Variants in CPNE4 observed in about 807,000 individuals in gnomAD.
The protein encoded by CPNE4 is copine-4.
A neutral mutation model predicts 67.9 loss-of-function variants in CPNE4; 25 were observed. The ratio of observed to expected loss-of-function variants is 0.37; its 90% confidence interval spans 0.27 to 0.51. CPNE4 has a LOEUF of 0.51. Ranked by LOEUF, CPNE4 falls within the 20% of genes least tolerant of loss-of-function variation. The pLI, the probability that CPNE4 is intolerant of heterozygous loss-of-function variation, is 0.93. For synonymous variants in CPNE4, 242 were observed against 244.9 expected, an observed-to-expected ratio of 0.99 and a Z score of 0.11; for missense variants, 464 against 690.8, an observed-to-expected ratio of 0.67 and a Z score of 3.68.
rs1470885505 is a variant in CPNE4 at position 131,535,306 on chromosome 3, C to G, written c.1563G>C (p.Lys521Asn). Residue 521 changes from lysine to asparagine, a missense_variant, in exon 16 of 16, where the codon AAG (lysine) becomes AAC (asparagine). Physicochemically the swap from Lys to Asn is moderately conservative, Grantham distance 94 (BLOSUM62 0). Coordinates refer to ENST00000429747, the MANE Select transcript of CPNE4 (RefSeq NM_130808.3). The part of the protein sequence containing the change: ...FKHASPAALA[K>N]SVLAEVPNQV... ...GGTTTGGGACTTCAGCCAGCACGCT[C>G]TTTGCCAGGGCAGCTGGAGATGCCT... 2.5e-6 allele frequency: 4 copies of G among 1,613,442 alleles called. No homozygotes were observed. The highest frequency in any genetic ancestry group is 1.7e-6 in the Non-Finnish European group (2 of 1,179,910).
intron 10 of CPNE4, among the ~76,000 whole-genome samples, chr3:131,573,554 T>TA (rs1231450933): frequency 6.6e-6 from 1 of 152,084 alleles, no homozygotes; most frequent in Admixed American, 6.6e-5. Flanking sequence ...ACAGAGTTGT[T>TA]CAAGAGCATG....
At chr3:131,995,792 C>T (rs1015704500) in intron 1 of CPNE4, among the ~76,000 whole-genome samples, 1 of 152,168 alleles carries the variant, frequency 6.6e-6, no homozygotes, top group Non-Finnish European at 1.5e-5. Context: ...TCTATTATCT[C>T]GATGTGGTCC....
intron 10 of CPNE4, among the ~76,000 whole-genome samples, chr3:131,567,628 G>T (rs1345393601): frequency 6.6e-6 from 1 of 151,844 alleles, no homozygotes; most frequent in African/African-American, 2.4e-5. Flanking sequence ...TCATTGTCAG[G>T]CTTGGAATAA....
chr3:131,799,921 G>GTGTGTGT (rs1560339372), intron 2 of CPNE4, among the ~76,000 whole-genome samples: 13 of 20,990 alleles, frequency 6.2e-4, no homozygotes, highest in East Asian at 3.0e-3. Flanking sequence ...TGTGTGTGTT[G>GTGTGTGT]TGTGTGTGTG....
chr3:131,733,506 C>T (rs1200590561), intron 2 of CPNE4, among the ~76,000 whole-genome samples: 1 of 152,188 alleles, frequency 6.6e-6, no homozygotes, highest in Admixed American at 6.5e-5. Flanking sequence ...TTTTTCAGTC[C>T]TAAATCAACT....
chr3:131,629,102 T>A (rs908403724), intron 7 of CPNE4, among the ~76,000 whole-genome samples: 2 of 152,224 alleles, frequency 1.3e-5, no homozygotes, highest in East Asian at 1.9e-4. Flanking sequence ...ATGTTGTGTC[T>A]TTGCTCTCAT....
intron 2 of CPNE4, among the ~76,000 whole-genome samples, chr3:131,780,917 T>C (rs889898358): frequency 3.9e-4 from 59 of 151,888 alleles, no homozygotes; most frequent in Non-Finnish European, 7.9e-4. Flanking sequence ...GGGGGAGATA[T>C]GGAAACAGCA....
At chr3:131,593,535 GA>G (rs1938663198) in intron 7 of CPNE4, among the ~76,000 whole-genome samples, 1 of 152,058 alleles carries the variant, frequency 6.6e-6, no homozygotes, top group African/African-American at 2.4e-5. Context: ...ATTTTATCCT[GA>G]ATTACTTTAT....
At chr3:131,963,342 G>GT (rs879924457) in intron 1 of CPNE4, among the ~76,000 whole-genome samples, 256 of 147,198 alleles carry the variant, frequency 1.7e-3, no homozygotes, top group Admixed American at 1.9e-3. Flanking sequence ...GCTAGCTGCA[G>GT]TTTTTTTTTT....
chr3:131,890,729 T>G (rs2088081294), intron 2 of CPNE4, among the ~76,000 whole-genome samples: 1 of 152,050 alleles, frequency 6.6e-6, no homozygotes, highest in South Asian at 2.1e-4. Flanking sequence ...GCAAAGAAAG[T>G]GTTGTATAAA....
chr3:131,743,486 C>G (rs913537653), intron 2 of CPNE4, among the ~76,000 whole-genome samples: 6 of 152,100 alleles, frequency 3.9e-5, no homozygotes, highest in Admixed American at 1.3e-4. Flanking sequence ...ACACACCAGC[C>G]TCATTTAAGA....
At chr3:131,873,402 G>A (rs180717635) in intron 2 of CPNE4, among the ~76,000 whole-genome samples, 19 of 152,264 alleles carry the variant, frequency 1.2e-4, no homozygotes, top group Non-Finnish European at 2.1e-4. Flanking sequence ...CTGAGATTTG[G>A]CCAGAGAAAC....
At chr3:131,666,630 C>T (rs1169062783) in intron 7 of CPNE4, among the ~76,000 whole-genome samples, 2 of 152,134 alleles carry the variant, frequency 1.3e-5, no homozygotes, top group African/African-American at 4.8e-5. Context: ...GATGGAAACA[C>T]TGAAATATAT....
At chr3:131,946,502 T>G (rs1448748156) in intron 1 of CPNE4, among the ~76,000 whole-genome samples, 1 of 152,184 alleles carries the variant, frequency 6.6e-6, no homozygotes, top group Non-Finnish European at 1.5e-5. Context: ...GTACAGGTAG[T>G]CAACATCTTT....
At chr3:131,827,318 A>C (rs1216712136) in intron 2 of CPNE4, among the ~76,000 whole-genome samples, 1 of 150,878 alleles carries the variant, frequency 6.6e-6, no homozygotes, top group Non-Finnish European at 1.5e-5. Flanking sequence ...CACTGCACAC[A>C]TGACTTTAAT....
At chr3:131,967,734 A>G (rs1198857633) in intron 1 of CPNE4, among the ~76,000 whole-genome samples, 1 of 152,246 alleles carries the variant, frequency 6.6e-6, no homozygotes, top group African/African-American at 2.4e-5. Flanking sequence ...AAAATATTCC[A>G]TGCTCATAGA....
chr3:131,582,237 G>T (rs1559935477), intron 8 of CPNE4, among the ~76,000 whole-genome samples: 1 of 152,136 alleles, frequency 6.6e-6, no homozygotes, highest in Non-Finnish European at 1.5e-5. Flanking sequence ...TAAAATAATG[G>T]ATTGGCTTAT....
intron 1 of CPNE4, among the ~76,000 whole-genome samples, chr3:132,030,121 C>T (rs575838366): frequency 6.9e-4 from 105 of 152,260 alleles, no homozygotes; most frequent in African/African-American, 2.2e-3. Flanking sequence ...GAGACACCCC[C>T]GCAATCATCC....
chr3:131,671,708 C>G (rs967433041), intron 6 of CPNE4, among the ~76,000 whole-genome samples: 2 of 152,084 alleles, frequency 1.3e-5, no homozygotes, highest in Admixed American at 1.3e-4. Flanking sequence ...GAAGAATGCT[C>G]TCAGGAGCAG....
Sources: gnomAD v4.1 joint callset for allele counts (sites outside exome capture counted in the v4.1 genomes callset) on GRCh38, gnomAD v4.1.1 for gene constraint, MANE v1.5 for transcripts, NCBI Gene and HGNC (gene_info 2026-07-23, HGNC 2026-07-21) for gene names.